Variants in ATF1 observed in about 807,000 individuals in gnomAD.
ATF1 encodes activating transcription factor 1, also known as cyclic AMP-dependent transcription factor ATF-1.
In ATF1, 16 loss-of-function variants were observed where a neutral mutation model predicts 34.7. The ratio of observed to expected loss-of-function variants is 0.46; its 90% CI spans 0.31 to 0.70. The LOEUF (loss-of-function observed/expected upper bound fraction) is 0.70, where lower values mean the gene tolerates loss of function less well. Among genes scored for constraint, ATF1 ranks in the 30% least tolerant of loss-of-function variants. The pLI is 0.05. For synonymous variants in ATF1, 105 were observed against 113.1 expected, an observed-to-expected ratio of 0.93 and a Z score of 0.46; for missense variants, 255 against 321.6, an observed-to-expected ratio of 0.79 and a Z score of 1.58.
At chr12:50,777,088 A>C (rs1592170479) in intron 1 of ATF1, among the ~76,000 whole-genome samples, 1 of 152,128 alleles carries the variant, frequency 6.6e-6, no homozygotes, top group South Asian at 2.1e-4. Flanking sequence ...TCCTGACCTC[A>C]GATGATCTGC....
rs1592199524 is a variant in ATF1, at chr12:50,809,582, A to G, written c.321A>G (p.Gly107=). 1 of 1,613,098 alleles carries G rather than the reference A, an allele frequency of 6.2e-7. No homozygotes were observed. Among genetic ancestry groups the G allele is most frequent in the Non-Finnish European group, 8.5e-7 (1 of 1,179,472 alleles). Residue 107 remains glycine, a synonymous_variant, in exon 4 of 7, where the codon GGA becomes GGG. Transcript: ENST00000262053. ...VPTPIYQTSS[G]QYIAIAPNGA... ...CTCCCATCTATCAGACTAGCAGCGG[A>G]CAGTACAGTATGTATAGGAATCAGT...
At chr12:50,785,142 C>T (rs1050854576) in intron 2 of ATF1, among the ~76,000 whole-genome samples, 2 of 148,304 alleles carry the variant, frequency 1.3e-5, no homozygotes, top group East Asian at 2.1e-4. Context: ...ATTACTTGAC[C>T]CGGGCGTGGT....
intron 1 of ATF1, among the ~76,000 whole-genome samples, chr12:50,765,275 T>A (rs748676982): frequency 5.9e-5 from 9 of 152,160 alleles, no homozygotes; most frequent in Non-Finnish European, 1.0e-4. Flanking sequence ...CAGAAATGCG[T>A]TCTTCTAAAA....
At chr12:50,770,417 T>G (rs1056124823) in intron 1 of ATF1, among the ~76,000 whole-genome samples, 1 of 152,174 alleles carries the variant, frequency 6.6e-6, no homozygotes, top group Admixed American at 6.6e-5. Context: ...CTTTCTCACC[T>G]GTCCAGGAGC....
At position 50,820,920 on chromosome 12, in the gene ATF1, G is replaced by C. The variant is rs1362871438; in HGVS notation, c.*1141G>C. 5.6e-6 allele frequency: 1 copy of C among 179,186 alleles called. No homozygotes were observed. Among genetic ancestry groups the C allele is most frequent in the African/African-American group, 2.4e-5 (1 of 42,210 alleles). 11.1% of individuals were successfully genotyped at this position (179,186 alleles called of 1,614,324 possible). On this transcript the variant is annotated 3_prime_UTR_variant, in exon 7 of 7. Coordinates refer to ENST00000262053, the MANE Select transcript of ATF1 (RefSeq NM_005171.5). ...CTCAAAGTATCATTTTTATATTATG[G>C]GACGTTTTCAGATTGGCTAATATTT...
chr12:50,818,089 C>G (rs192492821), intron 6 of ATF1, among the ~76,000 whole-genome samples: 2 of 152,124 alleles, frequency 1.3e-5, no homozygotes, highest in Admixed American at 6.5e-5. Flanking sequence ...TAAATTGGCA[C>G]TATCTCTTGA....
At position 50,788,446 on chromosome 12, in the gene ATF1, A is replaced by G. The variant is rs867920996; in HGVS notation, c.94-7463A>G. 6.7e-6 allele frequency: 2 copies of G among 300,570 alleles called. 1 individual carries two copies. The highest frequency in any genetic ancestry group is 2.3e-3 in the Middle Eastern group (2 of 876). 18.6% of individuals were successfully genotyped at this position (300,570 alleles called of 1,614,324 possible). Reference sequence around the variant, plus strand: ...AATAATCTGCCCACCTCAGCCTCCCAAAGTGCAGTGCTGGTATGCGTGAGC... The same window carrying G: ...AATAATCTGCCCACCTCAGCCTCCCGAAGTGCAGTGCTGGTATGCGTGAGC... On this transcript the variant is annotated intron_variant, in intron 2 of 6. Transcript: ENST00000262053.
chr12:50,777,622 C>A (rs993992436), intron 1 of ATF1, among the ~76,000 whole-genome samples: 3 of 147,722 alleles, frequency 2.0e-5, no homozygotes, highest in African/African-American at 7.9e-5. Context: ...CAGAAAAGAC[C>A]CCCCCCAAAT....
At chr12:50,776,664 G>T (rs893929125) in intron 1 of ATF1, among the ~76,000 whole-genome samples, 2 of 151,684 alleles carry the variant, frequency 1.3e-5, no homozygotes, top group African/African-American at 2.4e-5. Context: ...GCTTTCTTAC[G>T]TGCTTTTGAT....
chr12:50,765,440 C>G (rs1212380352), intron 1 of ATF1, among the ~76,000 whole-genome samples: 1 of 152,140 alleles, frequency 6.6e-6, no homozygotes, highest in East Asian at 1.9e-4. Flanking sequence ...CCATTCCTAC[C>G]CGATCACCAG....
chr12:50,790,770 C>G (rs933300917), intron 2 of ATF1, among the ~76,000 whole-genome samples: 1 of 151,844 alleles, frequency 6.6e-6, no homozygotes, highest in African/African-American at 2.4e-5. Context: ...TGGCACTTGT[C>G]AAAGTTGGCT....
intron 6 of ATF1, among the ~76,000 whole-genome samples, chr12:50,816,439 C>G (rs1472927851): frequency 6.6e-6 from 1 of 152,082 alleles, no homozygotes; most frequent in Non-Finnish European, 1.5e-5. Flanking sequence ...GGAATAAATT[C>G]AGTGTTTCAT....
At chr12:50,812,501 A>C (rs898881561) in intron 4 of ATF1, among the ~76,000 whole-genome samples, 6 of 152,310 alleles carry the variant, frequency 3.9e-5, no homozygotes, top group African/African-American at 1.4e-4. Context: ...AATGTGTTGC[A>C]GGGAAGAAGA....
chr12:50,809,727 G>T, intron 4 of ATF1, 138 bp downstream of exon 4: 1 of 957,564 alleles, frequency 1.0e-6, no homozygotes, highest in South Asian at 2.2e-5. Context: ...ATAATGCGAA[G>T]TACTGTTTCA....
At chr12:50,794,127 T>C (rs576666591) in intron 2 of ATF1, among the ~76,000 whole-genome samples, 47 of 151,724 alleles carry the variant, frequency 3.1e-4, no homozygotes, top group Non-Finnish European at 6.0e-4. Flanking sequence ...ATTTTTTGTA[T>C]TTTTAGTAGA....
intron 1 of ATF1, among the ~76,000 whole-genome samples, chr12:50,768,035 G>A (rs1276157095): frequency 6.6e-6 from 1 of 152,056 alleles, no homozygotes; most frequent in East Asian, 1.9e-4. Context: ...ACTACGCCCA[G>A]CTAATTTTTG....
intron 2 of ATF1, among the ~76,000 whole-genome samples, chr12:50,789,265 C>T (rs977723382): frequency 1.3e-5 from 2 of 151,784 alleles, no homozygotes; most frequent in South Asian, 2.1e-4. Context: ...ACGGGGGTTT[C>T]GCCATGTTGG....
At chr12:50,793,431 C>A (rs1941345267) in intron 2 of ATF1, among the ~76,000 whole-genome samples, 1 of 152,044 alleles carries the variant, frequency 6.6e-6, no homozygotes, top group African/African-American at 2.4e-5. Flanking sequence ...CGAGACCAGC[C>A]TGGCCAACAT....
chr12:50,787,178 C>G (rs1221863194), intron 2 of ATF1, among the ~76,000 whole-genome samples: 1 of 152,176 alleles, frequency 6.6e-6, no homozygotes, highest in African/African-American at 2.4e-5. Context: ...TCTCTAGTGT[C>G]TTACCCATGA....
Sources: allele counts gnomAD v4.1 joint callset (sites outside exome capture counted in the v4.1 genomes callset), GRCh38; gene constraint gnomAD v4.1.1; transcripts MANE v1.5; gene names NCBI Gene and HGNC (gene_info 2026-07-23, HGNC 2026-07-21).